Variants in SARNP observed in about 807,000 individuals in gnomAD.
The protein encoded by SARNP is SAP domain-containing ribonucleoprotein.
Under a neutral mutation model 38.1 loss-of-function variants are expected in SARNP, and 5 were observed. The observed-to-expected ratio is 0.13, with a 90% CI of 0.07 to 0.28. The LOEUF is 0.28. Among genes scored for constraint, SARNP ranks in the 10% least tolerant of loss-of-function variants. The pLI is 1.00. For missense variants in SARNP, 180 were observed against 243.9 expected (o/e 0.74, Z 1.75); for synonymous variants, 84 against 80.6 (o/e 1.04, Z -0.23).
At chr12:55,790,618 T>A in intron 7 of SARNP, 26 bp from the exon 8 acceptor site, 1 of 1,477,262 alleles carries the variant, frequency 6.8e-7, no homozygotes, top group African/African-American at 1.4e-5. Flanking sequence ...AAGTTTTATT[T>A]AATATTTTTA....
chr12:55,790,486 A>G, intron 8 of SARNP, 81 bp downstream of exon 8: 5 of 1,408,826 alleles, frequency 3.5e-6, no homozygotes, highest in Non-Finnish European at 4.8e-6. Context: ...AGTTTCCTCT[A>G]ATCTGGGGAG....
intron 4 of SARNP, 87 bp downstream of exon 4, chr12:55,800,475 T>C (rs1378466701): frequency 5.2e-6 from 5 of 961,380 alleles, no homozygotes; most frequent in African/African-American, 3.3e-5. Context: ...AATGGGAACA[T>C]GTAAGAGGTA....
At chr12:55,799,550 A>C (rs547286400) in intron 4 of SARNP, among the ~76,000 whole-genome samples, 12 of 134,726 alleles carry the variant, frequency 8.9e-5, no homozygotes, top group African/African-American at 3.3e-4. Flanking sequence ...CTTTATATAG[A>C]GTGTCACACT....
chr12:55,761,345 A>C (rs1306560002), intron 9 of SARNP, among the ~76,000 whole-genome samples: 1 of 152,228 alleles, frequency 6.6e-6, no homozygotes, highest in East Asian at 1.9e-4. Flanking sequence ...CTACTTGTTG[A>C]ACAATGCTTA....
intron 9 of SARNP, among the ~76,000 whole-genome samples, chr12:55,780,311 G>A (rs568822894): frequency 2.6e-5 from 4 of 152,076 alleles, no homozygotes; most frequent in South Asian, 2.1e-4. Flanking sequence ...AAAATTAGCC[G>A]GGCATAGTAG....
chr12:55,783,307 A>AG (rs1450609417), intron 9 of SARNP, among the ~76,000 whole-genome samples: 1 of 51,300 alleles, frequency 1.9e-5, no homozygotes. Flanking sequence ...TTGTTGTTTG[A>AG]GGGGGGTGGG....
In SARNP at chr12:55,774,558, T is replaced by TAAAAAAAAAAAAAAAAAAAAA. The variant is rs1565673497; in HGVS notation, c.502-13919_502-13918insTTTTTTTTTTTTTTTTTTTTT. ...CGACACGGTGAAACCCCGTCTCTACTGAAAAAAAAAAAAAAACAAACAAAA... is the reference window on the plus strand; with the variant it reads ...CGACACGGTGAAACCCCGTCTCTACTAAAAAAAAAAAAAAAAAAAAAGAAAAAAAAAAAAAAACAAACAAAA... On this transcript the variant is annotated intron_variant, in intron 9 of 10. Transcript: ENST00000336133. Among the ~76,000 whole-genome samples the TAAAAAAAAAAAAAAAAAAAAA allele has an allele frequency of 3.9e-4, 16 of 40,522 alleles. 2 individuals carry two copies. Among genetic ancestry groups the TAAAAAAAAAAAAAAAAAAAAA allele is most frequent in the South Asian group, 1.1e-3 (1 of 920 alleles). 26.6% of individuals were successfully genotyped at this position (40,522 alleles called of 152,430 possible).
chr12:55,766,006 C>A (rs1878818958), intron 9 of SARNP, among the ~76,000 whole-genome samples: 1 of 152,126 alleles, frequency 6.6e-6, no homozygotes, highest in Admixed American at 6.6e-5. Flanking sequence ...GATGGTGAAC[C>A]CCATCTGAGG....
chr12:55,780,981 G>C (rs1304862285), intron 9 of SARNP, among the ~76,000 whole-genome samples: 21 of 152,224 alleles, frequency 1.4e-4, no homozygotes, highest in Admixed American at 1.4e-3. Flanking sequence ...AGGGAGGACT[G>C]CTGTATGAAC....
rs1022795724 is a variant in SARNP, at chr12:55,809,283, GA to G, written c.37-5556del. ...TGAATTGTATCTCAGTAAGGCTATT[GA>G]AAAAAAAAAATTAGCCGAGCATAGT... On this transcript the variant is annotated intron_variant, in intron 1 of 10. Coordinates refer to ENST00000336133, the MANE Select transcript of SARNP (RefSeq NM_033082.4). Among the ~76,000 whole-genome samples the G allele has an allele frequency of 1.7e-3, 249 of 144,336 alleles. 1 individual carries two copies. Among genetic ancestry groups the G allele is most frequent in the African/African-American group, 5.6e-3 (222 of 39,358 alleles). The allele number at this position is 144,336 out of a possible 152,430, so 94.7% of individuals were successfully genotyped here.
At position 55,760,605 on chromosome 12, in the gene SARNP, C is replaced by T; in HGVS notation, c.537G>A (p.Glu179=). 1 of 1,613,580 alleles carries T rather than the reference C, an allele frequency of 6.2e-7. No homozygotes were observed. The highest frequency in any genetic ancestry group is 1.1e-5 in the South Asian group (1 of 91,068). The change falls in exon 10 of 11, where the codon GAG becomes GAA. Residue 179 remains glutamate (E), a synonymous_variant. Coordinates refer to ENST00000336133, the MANE Select transcript of SARNP (RefSeq NM_033082.4). ...CTGAACTTGTGACAATCCCAAATCG[C>T]TCCTTCCTCTTTTTCAGTTTCTCAT... is the stretch of plus-strand genomic sequence containing the variant. ...EDDEKLKKRK[E]RFGIVTSSAG...
intron 9 of SARNP, among the ~76,000 whole-genome samples, chr12:55,783,841 C>T (rs571918747): frequency 2.2e-4 from 33 of 151,938 alleles, no homozygotes; most frequent in African/African-American, 8.0e-4. Flanking sequence ...ACCTGTAATC[C>T]CAGCACTTTG....
chr12:55,754,123 G>C (rs929870548), downstream of SARNP: 7 of 152,146 alleles, frequency 4.6e-5, no homozygotes, highest in African/African-American at 1.4e-4. Context: ...CAAGACTAAG[G>C]CTGGAAGTGG....
chr12:55,796,091 G>T lies in SARNP; in HGVS notation c.252-15C>A, dbSNP rs777227015. 1.3e-6 allele frequency: 2 copies of T among 1,589,584 alleles called. No individual in the cohort carries two copies. The highest frequency in any genetic ancestry group is 4.5e-5 in the East Asian group (2 of 44,734). On this transcript the variant is annotated splice_polypyrimidine_tract_variant and intron_variant, in intron 4 of 10. Coordinates refer to ENST00000336133, the MANE Select transcript of SARNP (RefSeq NM_033082.4). ...TCTCTGCTGCCCTAGAAAAGAAAGA[G>T]ATTTTTTAAAATGAGAAAACTGATA... is the stretch of plus-strand genomic sequence containing the variant.
At chr12:55,774,800 G>A (rs560123040) in intron 9 of SARNP, among the ~76,000 whole-genome samples, 13 of 150,602 alleles carry the variant, frequency 8.6e-5, no homozygotes, top group African/African-American at 2.4e-4. Flanking sequence ...TCTCAGTTAC[G>A]CATCTCCCCT....
chr12:55,789,069 C>T lies in SARNP; in HGVS notation c.501+6G>A, dbSNP rs747341122. 25 of 1,594,528 alleles carry T rather than the reference C, an allele frequency of 1.6e-5. No homozygotes were observed. In the Admixed American group the frequency reaches 3.4e-4, roughly 22 times the overall value. On this transcript the variant is annotated splice_donor_region_variant and intron_variant, in intron 9 of 10. Transcript: ENST00000336133. ...AAAAACATTACTTCCATCGAGCCTA[C>T]ATTACCTTTCTGGAGATTGAAGAGA... is the stretch of plus-strand genomic sequence containing the variant.
chr12:55,756,692 C>T (rs1057443729), downstream of SARNP: 1 of 152,216 alleles, frequency 6.6e-6, no homozygotes, highest in Non-Finnish European at 1.5e-5. Context: ...TCCAGTTCCA[C>T]TGCTTATGTT....
intron 9 of SARNP, among the ~76,000 whole-genome samples, chr12:55,761,167 CTCTG>C (rs749508477): frequency 3.3e-5 from 5 of 150,870 alleles, no homozygotes; most frequent in Non-Finnish European, 7.4e-5. Flanking sequence ...CAGAGTGAGA[CTCTG>C]TCTCAAAAAA....
At chr12:55,785,390 C>G (rs1879460906) in intron 9 of SARNP, among the ~76,000 whole-genome samples, 2 of 151,972 alleles carry the variant, frequency 1.3e-5, no homozygotes, top group African/African-American at 4.8e-5. Context: ...AGCCAATTTA[C>G]CAACAGAACT....
Sources: allele counts gnomAD v4.1 joint callset (sites outside exome capture counted in the v4.1 genomes callset), GRCh38; gene constraint gnomAD v4.1.1; transcripts MANE v1.5; gene names NCBI Gene and HGNC (gene_info 2026-07-23, HGNC 2026-07-21).